The following GRXCR1 variants were observed in gnomAD, a reference collection of about 807,000 sequenced individuals.
GRXCR1 encodes glutaredoxin and cysteine rich domain containing 1.
A neutral mutation model predicts 27.3 loss-of-function variants in GRXCR1; 27 were observed. The ratio of observed to expected loss-of-function variants is 0.99; its 90% confidence interval spans 0.73 to 1.37. GRXCR1 has a LOEUF of 1.37. Among genes scored for constraint, GRXCR1 ranks in the 40% most tolerant of loss-of-function variants. The pLI is 0.00. For synonymous variants in GRXCR1, 122 were observed against 131.1 expected (o/e 0.93, Z 0.47); for missense variants, 379 against 354.4 (o/e 1.07, Z -0.56).
intron 2 of GRXCR1, among the ~76,000 whole-genome samples, chr4:42,992,309 G>A (rs1711998022): frequency 6.6e-6 from 1 of 152,086 alleles, no homozygotes; most frequent in African/African-American, 2.4e-5. Context: ...ACAATTCGTA[G>A]GAGAAATAGT....
intron 2 of GRXCR1, among the ~76,000 whole-genome samples, chr4:43,014,946 GA>G (rs1712884807): frequency 6.6e-6 from 1 of 152,132 alleles, no homozygotes; most frequent in Non-Finnish European, 1.5e-5. Flanking sequence ...TGTGATCTGA[GA>G]GCACAAAGAA....
chr4:42,996,576 T>C (rs79211014), intron 2 of GRXCR1, among the ~76,000 whole-genome samples: 24 of 152,274 alleles, frequency 1.6e-4, no homozygotes, highest in South Asian at 6.2e-4. Flanking sequence ...TATGTAATTC[T>C]AGTAAAACAA....
chr4:42,980,960 G>A (rs548810825), intron 2 of GRXCR1, among the ~76,000 whole-genome samples: 1 of 143,554 alleles, frequency 7.0e-6, no homozygotes, highest in Non-Finnish European at 1.5e-5. Context: ...TTTTTTTTGT[G>A]TTTTTTTTTT....
chr4:42,950,656 G>A (rs562295647), intron 1 of GRXCR1, among the ~76,000 whole-genome samples: 3 of 152,184 alleles, frequency 2.0e-5, no homozygotes, highest in African/African-American at 7.2e-5. Flanking sequence ...GCATGTTTGT[G>A]AATATTTATA....
intron 2 of GRXCR1, among the ~76,000 whole-genome samples, chr4:42,986,920 C>A (rs758549502): frequency 6.6e-6 from 1 of 151,410 alleles, no homozygotes; most frequent in African/African-American, 2.4e-5. Context: ...ACATTGAGTA[C>A]CTTCTGTGCG....
chr4:42,913,426 G>A lies in GRXCR1; in HGVS notation c.384+19776G>A, dbSNP rs571098701. On this transcript the variant is annotated intron_variant, in intron 1 of 3. Transcript: ENST00000399770. ...ACTGGAGCAAAGGTGACCTCGCTAC[G>A]CTTAACAACGAGACTGGCAGCATTT... Among the ~76,000 whole-genome samples, 6 of 152,224 alleles carry A rather than the reference G, an allele frequency of 3.9e-5. No individual in the cohort carries two copies. In the South Asian group the frequency reaches 6.2e-4, roughly 16 times the overall value.
intron 2 of GRXCR1, among the ~76,000 whole-genome samples, 158 bp downstream of exon 2, chr4:42,963,292 C>A (rs1165784003): frequency 1.3e-5 from 2 of 151,908 alleles, no homozygotes; most frequent in East Asian, 3.9e-4. Context: ...CTGTCCCAGA[C>A]AATGAGCTGC....
At position 42,919,730 on chromosome 4, in the gene GRXCR1, T is replaced by A. The variant is rs145461779; in HGVS notation, c.384+26080T>A. ...GAAACAAGGCCATTTCCAGGAAATGTGTTACATGCTGGGGAAAAGAATATA... is the reference window on the plus strand; with the variant it reads ...GAAACAAGGCCATTTCCAGGAAATGAGTTACATGCTGGGGAAAAGAATATA... On this transcript the variant is annotated intron_variant, in intron 1 of 3. Transcript: ENST00000399770. Among the ~76,000 whole-genome samples, 16 of 152,260 alleles carry A rather than the reference T, an allele frequency of 1.1e-4. No homozygotes were observed. In the East Asian group the frequency reaches 2.5e-3, roughly 24 times the overall value.
chr4:42,958,282 C>T (rs977562593), intron 1 of GRXCR1, among the ~76,000 whole-genome samples: 4 of 151,924 alleles, frequency 2.6e-5, no homozygotes, highest in African/African-American at 9.7e-5. Flanking sequence ...GAAATAAACC[C>T]AACTACACAA....
At chr4:42,931,603 T>C (rs1430914085) in intron 1 of GRXCR1, among the ~76,000 whole-genome samples, 1 of 151,812 alleles carries the variant, frequency 6.6e-6, no homozygotes, top group South Asian at 2.1e-4. Context: ...TTATTATTAA[T>C]TGGCAAAAAA....
chr4:42,906,356 C>T (rs552456023), intron 1 of GRXCR1, among the ~76,000 whole-genome samples: 4 of 152,258 alleles, frequency 2.6e-5, no homozygotes, highest in Admixed American at 6.5e-5. Context: ...AACTTCCCAC[C>T]ACAGCGCACT....
chr4:43,001,054 G>A (rs1211297290), intron 2 of GRXCR1, among the ~76,000 whole-genome samples: 4 of 151,406 alleles, frequency 2.6e-5, no homozygotes, highest in African/African-American at 9.7e-5. Flanking sequence ...AACCTCCTGA[G>A]TAGCTGGGAT....
intron 1 of GRXCR1, among the ~76,000 whole-genome samples, chr4:42,917,777 A>T (rs574941462): frequency 6.6e-6 from 1 of 152,238 alleles, no homozygotes; most frequent in Admixed American, 6.5e-5. Context: ...TAATGTTCTA[A>T]TAGGACTATT....
At chr4:43,011,521 C>A (rs1419450595) in intron 2 of GRXCR1, among the ~76,000 whole-genome samples, 1 of 152,158 alleles carries the variant, frequency 6.6e-6, no homozygotes, top group African/African-American at 2.4e-5. Flanking sequence ...GTGGTAAGAG[C>A]TTCTCATTGT....
intron 1 of GRXCR1, among the ~76,000 whole-genome samples, chr4:42,945,289 C>T (rs1048741916): frequency 2.0e-5 from 3 of 152,090 alleles, no homozygotes; most frequent in Admixed American, 6.6e-5. Context: ...CTGACTCAGA[C>T]AGTTGCTCAT....
intron 1 of GRXCR1, among the ~76,000 whole-genome samples, chr4:42,953,918 C>T (rs541323825): frequency 5.3e-5 from 8 of 151,950 alleles, no homozygotes; most frequent in Non-Finnish European, 1.0e-4. Context: ...ATGAAATAGG[C>T]ACTAGTGTCT....
At chr4:42,911,914 G>C (rs1376738103) in intron 1 of GRXCR1, among the ~76,000 whole-genome samples, 1 of 152,164 alleles carries the variant, frequency 6.6e-6, no homozygotes, top group Non-Finnish European at 1.5e-5. Flanking sequence ...ATGTTTAAGA[G>C]CCAGTGAGGG....
chr4:42,922,226 T>C (rs1304129521), intron 1 of GRXCR1, among the ~76,000 whole-genome samples: 1 of 152,122 alleles, frequency 6.6e-6, no homozygotes. Context: ...TATGTTAGCA[T>C]GGTGGCATGG....
chr4:42,902,367 T>C (rs1746480135), intron 1 of GRXCR1, among the ~76,000 whole-genome samples: 1 of 152,146 alleles, frequency 6.6e-6, no homozygotes, highest in Non-Finnish European at 1.5e-5. Context: ...GGTGTCCTCT[T>C]ATCAGTTTCT....
Sources: gnomAD v4.1 joint callset for allele counts (sites outside exome capture counted in the v4.1 genomes callset) on GRCh38, gnomAD v4.1.1 for gene constraint, MANE v1.5 for transcripts, NCBI Gene and HGNC (gene_info 2026-07-23, HGNC 2026-07-21) for gene names.